The following KIF6 variants were observed in gnomAD, a reference collection of about 807,000 sequenced individuals.
KIF6 encodes the protein kinesin-like protein KIF6.
Under a neutral mutation model 112.7 loss-of-function variants are expected in KIF6, and 106 were observed. The ratio of observed to expected loss-of-function variants is 0.94; its 90% CI spans 0.80 to 1.11. KIF6 has a LOEUF of 1.11. Ranked by LOEUF, KIF6 falls within the 50% of genes least tolerant of loss-of-function variation. KIF6 has a pLI of 0.00. For synonymous variants in KIF6, 339 were observed against 339.9 expected (o/e 1.00, Z 0.03); for missense variants, 929 against 964.0 (o/e 0.96, Z 0.48).
intron 3 of KIF6, among the ~76,000 whole-genome samples, chr6:39,710,941 C>T (rs1448580299): frequency 6.6e-6 from 1 of 151,750 alleles, no homozygotes; most frequent in Non-Finnish European, 1.5e-5. Flanking sequence ...GCAGGAGGAT[C>T]GTTTAAGTCC....
At chr6:39,465,510 T>C (rs551039029) in intron 13 of KIF6, among the ~76,000 whole-genome samples, 1 of 152,314 alleles carries the variant, frequency 6.6e-6, no homozygotes, top group Admixed American at 6.5e-5. Context: ...CCAACACCAC[T>C]GTCTTTGTTC....
At chr6:39,440,622 C>T (rs1010804022) in intron 13 of KIF6, among the ~76,000 whole-genome samples, 5 of 152,068 alleles carry the variant, frequency 3.3e-5, no homozygotes, top group African/African-American at 1.2e-4. Context: ...TCTCTCCCCT[C>T]TCTTCTTTAG....
chr6:39,448,199 A>T (rs1323189562), intron 13 of KIF6, among the ~76,000 whole-genome samples: 1 of 152,028 alleles, frequency 6.6e-6, no homozygotes, highest in African/African-American at 2.4e-5. Context: ...TTTGAGATGA[A>T]GTCTTGCTCT....
At chr6:39,422,679 A>C (rs1314293620) in intron 14 of KIF6, among the ~76,000 whole-genome samples, 2 of 152,144 alleles carry the variant, frequency 1.3e-5, no homozygotes, top group Non-Finnish European at 2.9e-5. Context: ...AAGATGCGAG[A>C]AAGAGGGTGA....
rs374018736 is a variant in KIF6, at chr6:39,628,648, T to C, written c.509+6201A>G. Among the ~76,000 whole-genome samples the C allele has an allele frequency of 3.3e-5, 5 of 152,292 alleles. No homozygotes were observed. In the East Asian group the frequency reaches 7.7e-4, roughly 24 times the overall value. ...AGATTCATCCAAGTTGTTAATTATC[T>C]CAATAGTTCATTACTTTTTGTTGTC... On this transcript the variant is annotated intron_variant, in intron 5 of 22. Coordinates refer to ENST00000287152, the MANE Select transcript of KIF6 (RefSeq NM_145027.6).
At chr6:39,498,269 T>C (rs993015708) in intron 13 of KIF6, among the ~76,000 whole-genome samples, 1 of 152,214 alleles carries the variant, frequency 6.6e-6, no homozygotes, top group African/African-American at 2.4e-5. Flanking sequence ...GTAGTTCCCT[T>C]ATCTCCCTCT....
intron 10 of KIF6, among the ~76,000 whole-genome samples, chr6:39,574,800 T>C (rs1780844016): frequency 1.3e-5 from 2 of 152,178 alleles, no homozygotes; most frequent in Non-Finnish European, 2.9e-5. Context: ...TATAGAGCTA[T>C]TCTCTATGAC....
intron 10 of KIF6, among the ~76,000 whole-genome samples, chr6:39,570,156 A>G (rs1780565104): frequency 6.6e-6 from 1 of 152,182 alleles, no homozygotes; most frequent in Non-Finnish European, 1.5e-5. Flanking sequence ...TTAATGTTAT[A>G]ATTACTTTTT....
chr6:39,514,781 C>T (rs114587482), intron 13 of KIF6, among the ~76,000 whole-genome samples: 3 of 151,940 alleles, frequency 2.0e-5, no homozygotes, highest in Non-Finnish European at 4.4e-5. Flanking sequence ...TTTTCCCCCC[C>T]GGGGATGATT....
At chr6:39,625,579 T>C (rs910663529) in intron 5 of KIF6, among the ~76,000 whole-genome samples, 4 of 152,138 alleles carry the variant, frequency 2.6e-5, no homozygotes, top group Non-Finnish European at 4.4e-5. Context: ...AAGAAAAGAC[T>C]GGAGTTAGCT....
chr6:39,536,946 CA>C (rs1380184883), intron 13 of KIF6, among the ~76,000 whole-genome samples: 3 of 152,022 alleles, frequency 2.0e-5, no homozygotes, highest in Non-Finnish European at 2.9e-5. Context: ...AGCATATAAA[CA>C]GAACCAAAGA....
chr6:39,487,687 C>A (rs1379341904), intron 13 of KIF6, among the ~76,000 whole-genome samples: 1 of 152,074 alleles, frequency 6.6e-6, no homozygotes, highest in Non-Finnish European at 1.5e-5. Context: ...CTAAATTCAC[C>A]ACTGAATCCA....
intron 13 of KIF6, among the ~76,000 whole-genome samples, chr6:39,504,371 G>A (rs2150498565): frequency 6.6e-6 from 1 of 152,206 alleles, no homozygotes; most frequent in African/African-American, 2.4e-5. Flanking sequence ...AGCCATATAT[G>A]ACAGACCCAC....
rs1431232762 is a variant in KIF6, at chr6:39,337,209, TTC to T, written c.2429-663_2429-662del. On this transcript the variant is annotated intron_variant, in intron 22 of 22. Coordinates refer to ENST00000287152, the MANE Select transcript of KIF6 (RefSeq NM_145027.6). The stretch of plus-strand genomic sequence containing the variant: ...TTTCTTTCTTTCTTTCTTTCTTTCT[TTC>T]TTTCTTTCTTTCTTTCTTTCTTTCT... Among the ~76,000 whole-genome samples, 754 of 112,704 alleles carry T rather than the reference TTC, an allele frequency of 6.7e-3. 41 individuals are homozygous for T. The highest frequency in any genetic ancestry group is 0.036 in the African/African-American group (674 of 18,846). The allele number at this position is 112,704 out of a possible 152,430, so 73.9% of individuals were successfully genotyped here.
chr6:39,359,348 A>T (rs904335553), intron 18 of KIF6, among the ~76,000 whole-genome samples: 2 of 152,238 alleles, frequency 1.3e-5, no homozygotes, highest in Admixed American at 6.5e-5. Context: ...CATCAAACAG[A>T]AAACTTCTAA....
intron 3 of KIF6, among the ~76,000 whole-genome samples, chr6:39,710,051 G>A (rs139384223): frequency 6.6e-6 from 1 of 152,108 alleles, no homozygotes; most frequent in Non-Finnish European, 1.5e-5. Context: ...AATGAAAAAA[G>A]TGATTCCCTC....
intron 13 of KIF6, among the ~76,000 whole-genome samples, chr6:39,439,982 G>A (rs1281860640): frequency 6.6e-6 from 1 of 152,208 alleles, no homozygotes; most frequent in Non-Finnish European, 1.5e-5. Flanking sequence ...GATGGAGAGA[G>A]TTGTGTTATT....
chr6:39,591,947 C>T (rs1035334824), intron 7 of KIF6, among the ~76,000 whole-genome samples: 3 of 152,042 alleles, frequency 2.0e-5, no homozygotes, highest in Admixed American at 2.0e-4. Context: ...CCCATCTTTA[C>T]CAAAAATACA....
chr6:39,659,563 G>T (rs746572020), intron 3 of KIF6, among the ~76,000 whole-genome samples: 7 of 152,152 alleles, frequency 4.6e-5, no homozygotes, highest in Admixed American at 6.5e-5. Context: ...CCTGTGGGAG[G>T]TAAATGAATC....
Sources: allele counts gnomAD v4.1 joint callset (sites outside exome capture counted in the v4.1 genomes callset), GRCh38; gene constraint gnomAD v4.1.1; transcripts MANE v1.5; gene names NCBI Gene and HGNC (gene_info 2026-07-23, HGNC 2026-07-21).